EFNA5: variants seen among roughly 807,000 people sequenced by gnomAD.
EFNA5 encodes ephrin A5.
EFNA5 carries 5 observed loss-of-function variants against 22.9 expected under a neutral mutation model. The ratio of observed to expected loss-of-function variants is 0.22; its 90% CI spans 0.11 to 0.46. The LOEUF (loss-of-function observed/expected upper bound fraction) is 0.46, where lower values mean the gene tolerates loss of function less well. Among genes scored for constraint, EFNA5 ranks in the 20% least tolerant of loss-of-function variants. The pLI, the probability that EFNA5 is intolerant of heterozygous loss-of-function variation, is 0.99. For synonymous variants in EFNA5, 113 were observed against 112.2 expected (o/e 1.01, Z -0.04); for missense variants, 237 against 293.3 (o/e 0.81, Z 1.40).
chr5:107,443,157 T>A (rs1039278374), intron 1 of EFNA5, among the ~76,000 whole-genome samples: 6 of 152,166 alleles, frequency 3.9e-5, no homozygotes, highest in Admixed American at 3.9e-4. Context: ...CACAAATGAT[T>A]AGGATGCTGT....
chr5:107,587,671 C>A (rs1749218144), intron 1 of EFNA5, among the ~76,000 whole-genome samples: 2 of 152,304 alleles, frequency 1.3e-5, no homozygotes, highest in South Asian at 2.1e-4. Context: ...TGCCCACCAC[C>A]ACGCCCAGCT....
intron 1 of EFNA5, among the ~76,000 whole-genome samples, chr5:107,609,168 T>C (rs1749777539): frequency 6.6e-6 from 1 of 152,180 alleles, no homozygotes; most frequent in Non-Finnish European, 1.5e-5. Context: ...ACTAAAATTA[T>C]ACAATGTAAT....
chr5:107,567,948 A>T (rs1385483016), intron 1 of EFNA5, among the ~76,000 whole-genome samples: 1 of 152,156 alleles, frequency 6.6e-6, no homozygotes, highest in Non-Finnish European at 1.5e-5. Flanking sequence ...GCTGAAGTAC[A>T]ATGGCTAGCT....
intron 1 of EFNA5, among the ~76,000 whole-genome samples, chr5:107,584,860 C>T (rs1749143697): frequency 6.6e-6 from 1 of 152,160 alleles, no homozygotes; most frequent in South Asian, 2.1e-4. Context: ...AGAGGTTTGA[C>T]CCATTGCAGG....
chr5:107,640,825 G>A (rs1426249091), intron 1 of EFNA5, among the ~76,000 whole-genome samples: 1 of 152,186 alleles, frequency 6.6e-6, no homozygotes, highest in Non-Finnish European at 1.5e-5. Context: ...CCACATGCAA[G>A]GTCAATCACA....
At position 107,670,617 on chromosome 5, in the gene EFNA5, G is replaced by GT. The variant is rs1751173125; in HGVS notation, c.-5_-4insA. The GT allele has an allele frequency of 6.2e-7, 1 of 1,600,938 alleles. No homozygotes were observed. The highest frequency in any genetic ancestry group is 8.5e-7 in the Non-Finnish European group (1 of 1,174,442). The stretch of plus-strand genomic sequence containing the variant: ...TCAACATCTCCACGTGCAACATCAC[G>GT]CCTGGCCAGCGGCGGAGCCCCCGAC... On this transcript the variant is annotated 5_prime_UTR_variant, in exon 1 of 5. Coordinates refer to ENST00000333274, the MANE Select transcript of EFNA5 (RefSeq NM_001962.3).
At chr5:107,555,693 G>A (rs1748395933) in intron 1 of EFNA5, among the ~76,000 whole-genome samples, 1 of 152,188 alleles carries the variant, frequency 6.6e-6, no homozygotes. Context: ...AGTGTATATA[G>A]CTAATCTGAT....
chr5:107,437,996 C>T (rs998929718), intron 1 of EFNA5, among the ~76,000 whole-genome samples: 1 of 152,112 alleles, frequency 6.6e-6, no homozygotes, highest in Non-Finnish European at 1.5e-5. Context: ...ATTCAATTAC[C>T]ATTTATCGGG....
At position 107,378,832 on chromosome 5, in the gene EFNA5, G is replaced by A. The variant is rs1281311346; in HGVS notation, c.*2423C>T. ...CCATTTCTAAAATGCATTTAGCACT[G>A]CTAACATAGTTATGACTAACTGGAA... On this transcript the variant is annotated 3_prime_UTR_variant, in exon 5 of 5. Coordinates refer to ENST00000333274, the MANE Select transcript of EFNA5 (RefSeq NM_001962.3). 6.6e-6 allele frequency: 1 copy of A among 152,082 alleles called. No homozygotes were observed. The highest frequency in any genetic ancestry group is 2.4e-5 in the African/African-American group (1 of 41,402). The allele number at this position is 152,082 out of a possible 1,614,324, so 9.4% of individuals were successfully genotyped here.
chr5:107,611,575 C>T (rs963572998), intron 1 of EFNA5, among the ~76,000 whole-genome samples: 1 of 152,174 alleles, frequency 6.6e-6, no homozygotes, highest in Non-Finnish European at 1.5e-5. Context: ...ACACATACAT[C>T]CAGAAGGTTA....
intron 1 of EFNA5, among the ~76,000 whole-genome samples, chr5:107,442,222 G>A (rs1749275422): frequency 6.6e-6 from 1 of 151,662 alleles, no homozygotes; most frequent in African/African-American, 2.4e-5. Context: ...AATTTCACAA[G>A]AACCCTACTT....
chr5:107,611,692 T>C (rs1449654873), intron 1 of EFNA5, among the ~76,000 whole-genome samples: 1 of 152,190 alleles, frequency 6.6e-6, no homozygotes, highest in Non-Finnish European at 1.5e-5. Context: ...GAGATCTAAG[T>C]TTGTGCTACT....
At chr5:107,386,308 C>T (rs917395196) in intron 4 of EFNA5, among the ~76,000 whole-genome samples, 1 of 152,010 alleles carries the variant, frequency 6.6e-6, no homozygotes, top group African/African-American at 2.4e-5. Context: ...GAAGAGGACA[C>T]CACAGAGGAA....
At chr5:107,387,591 A>C (rs1178296135) in intron 3 of EFNA5, 115 bp downstream of exon 3, 1 of 747,370 alleles carries the variant, frequency 1.3e-6, no homozygotes, top group Non-Finnish European at 2.3e-6. Flanking sequence ...TGATATACAA[A>C]ACAGATACCA....
At chr5:107,572,316 A>C (rs1384101813) in intron 1 of EFNA5, among the ~76,000 whole-genome samples, 1 of 152,220 alleles carries the variant, frequency 6.6e-6, no homozygotes, top group Non-Finnish European at 1.5e-5. Context: ...TGTAAAGCAC[A>C]CAATGGGAGC....
At chr5:107,610,423 C>A (rs1268226640) in intron 1 of EFNA5, among the ~76,000 whole-genome samples, 2 of 152,200 alleles carry the variant, frequency 1.3e-5, no homozygotes, top group Non-Finnish European at 2.9e-5. Context: ...CATAGCACTT[C>A]GACTGTTAGT....
intron 1 of EFNA5, among the ~76,000 whole-genome samples, chr5:107,594,895 C>T (rs935636556): frequency 1.3e-5 from 2 of 152,208 alleles, no homozygotes; most frequent in African/African-American, 4.8e-5. Flanking sequence ...ATTCTCATGA[C>T]CTGGATACCA....
At chr5:107,393,097 T>C (rs930733907) in intron 2 of EFNA5, among the ~76,000 whole-genome samples, 4 of 152,206 alleles carry the variant, frequency 2.6e-5, no homozygotes, top group Non-Finnish European at 4.4e-5. Flanking sequence ...CCAAAATGAG[T>C]TGATACAAAA....
intron 2 of EFNA5, among the ~76,000 whole-genome samples, chr5:107,409,525 A>C (rs1748305141): frequency 6.6e-6 from 1 of 152,218 alleles, no homozygotes; most frequent in African/African-American, 2.4e-5. Context: ...TAGGATTCTC[A>C]ATGTTCAGAA....
Sources: allele counts gnomAD v4.1 joint callset (sites outside exome capture counted in the v4.1 genomes callset), GRCh38; gene constraint gnomAD v4.1.1; transcripts MANE v1.5; gene names NCBI Gene and HGNC (gene_info 2026-07-23, HGNC 2026-07-21).